The following GARRE1 variants were observed in gnomAD, a reference collection of about 807,000 sequenced individuals.
The protein encoded by GARRE1 is granule associated Rac and RHOG effector 1, also known as granule associated Rac and RHOG effector protein 1.
GARRE1 carries 49 observed loss-of-function variants against 103.2 expected under a neutral mutation model. The ratio of observed to expected loss-of-function variants is 0.47; its 90% CI spans 0.38 to 0.60. The LOEUF (loss-of-function observed/expected upper bound fraction) is 0.60. Among genes scored for constraint, GARRE1 ranks in the 20% least tolerant of loss-of-function variants. The pLI, the probability that GARRE1 is intolerant of heterozygous loss-of-function variation, is 0.00. For missense variants in GARRE1, 1,199 were observed against 1,370.5 expected, an observed-to-expected ratio of 0.87 and a Z score of 1.98; for synonymous variants, 505 against 532.8, an observed-to-expected ratio of 0.95 and a Z score of 0.72.
Position 34,341,888 on chromosome 19 carries a change from T to A in GARRE1, c.1954T>A (p.Phe652Ile). Residue 652 changes from phenylalanine (F) to isoleucine (I), a missense_variant, in exon 10 of 14, where the codon TTT becomes ATT. Transcript: ENST00000299505. The stretch of plus-strand genomic sequence containing the variant: ...TCAGGAAATGCAAGAGGTGATAGAT[T>A]TTCTCTCGGGCTTTAACATGGGCCA... Reference protein sequence around the residue: ...TDQEMQEVIDFLSGFNMGQSH... With the variant: ...TDQEMQEVIDILSGFNMGQSH... 1.2e-6 allele frequency: 2 copies of A among 1,614,088 alleles called. No homozygotes were observed. The highest frequency in any genetic ancestry group is 1.7e-6 in the Non-Finnish European group (2 of 1,180,018).
rs1160128230 is a variant in GARRE1, at chr19:34,330,076, CATAA to C, written c.1105-107_1105-104del. ...CTGCAGCTTGGACGATAGAAAAATA[CATAA>C]ATAAAATGCTCTTCTCTTGAGGATG... is the stretch of plus-strand genomic sequence containing the variant. On this transcript the variant is annotated intron_variant, in intron 6 of 13. Transcript: ENST00000299505. 57 of 969,942 alleles carry C rather than the reference CATAA, an allele frequency of 5.9e-5. 1 individual carries two copies. The South Asian group carries it at 7.6e-4, about 13-fold the overall frequency. The allele number at this position is 969,942 out of a possible 1,614,324, so 60.1% of individuals were successfully genotyped here. A position where few individuals can be genotyped will look rare whatever the true frequency, so the allele number is the denominator to read the frequency against.
rs71165640 is a variant in GARRE1, at chr19:34,278,444, CAAAAAAA to C, written c.-795-21218_-795-21212del. 8.8e-5 allele frequency among the ~76,000 whole-genome samples: 5 copies of C among 57,102 alleles called. No individual in the cohort carries two copies. The East Asian group carries it at 2.0e-3, about 23-fold the overall frequency. 37.5% of individuals were successfully genotyped at this position (57,102 alleles called of 152,430 possible). On this transcript the variant is annotated intron_variant, in intron 1 of 13. Coordinates refer to ENST00000299505, the MANE Select transcript of GARRE1 (RefSeq NM_014686.5). ...TGGGTGACAGAGCAAGACTCCATCT[CAAAAAAA>C]AAAAAAAAAAAAAAAAGTCTTGCCT...
At chr19:34,257,893 C>CT (rs113179571) in intron 1 of GARRE1, among the ~76,000 whole-genome samples, 3,464 of 121,128 alleles carry the variant, frequency 0.029, 42 homozygotes, top group African/African-American at 0.045. Flanking sequence ...TCTTTTTTTT[C>CT]TTTTTTTTTT....
At chr19:34,305,274 G>A (rs1261099084) in intron 2 of GARRE1, among the ~76,000 whole-genome samples, 1 of 152,124 alleles carries the variant, frequency 6.6e-6, no homozygotes, top group Non-Finnish European at 1.5e-5. Flanking sequence ...GCATGGATAT[G>A]TACAGATGTG....
At chr19:34,339,603 T>C (rs993258667) in intron 8 of GARRE1, among the ~76,000 whole-genome samples, 44 of 152,206 alleles carry the variant, frequency 2.9e-4, no homozygotes, top group African/African-American at 1.1e-3. Flanking sequence ...TCAAGGGTTT[T>C]AGGAGCTCTG....
chr19:34,332,923 C>T (rs1449644301), intron 7 of GARRE1, among the ~76,000 whole-genome samples: 1 of 152,014 alleles, frequency 6.6e-6, no homozygotes, highest in South Asian at 2.1e-4. Flanking sequence ...GTTAGTTCTT[C>T]CTCTGTCCTG....
chr19:34,326,264 T>A (rs1423575021), intron 3 of GARRE1, among the ~76,000 whole-genome samples: 2 of 152,366 alleles, frequency 1.3e-5, no homozygotes, highest in East Asian at 3.9e-4. Context: ...CTAGTCATTT[T>A]CCTGTAGTCT....
At chr19:34,266,208 C>A (rs1370600800) in intron 1 of GARRE1, among the ~76,000 whole-genome samples, 1 of 152,208 alleles carries the variant, frequency 6.6e-6, no homozygotes, top group Non-Finnish European at 1.5e-5. Context: ...AGCCAGAAGC[C>A]AGCCTGGAGG....
At chr19:34,328,830 ACTC>A (rs1254581309) in intron 6 of GARRE1, among the ~76,000 whole-genome samples, 4 of 151,812 alleles carry the variant, frequency 2.6e-5, no homozygotes, top group Non-Finnish European at 5.9e-5. Context: ...ATGGTGTCGA[ACTC>A]CTGACCTCAG....
At chr19:34,283,053 G>A (rs1433928392) in intron 1 of GARRE1, among the ~76,000 whole-genome samples, 1 of 152,176 alleles carries the variant, frequency 6.6e-6, no homozygotes, top group Non-Finnish European at 1.5e-5. Flanking sequence ...AGGATGGAGA[G>A]GTAAGTGCAC....
At chr19:34,335,509 A>G (rs916626461) in intron 8 of GARRE1, among the ~76,000 whole-genome samples, 1 of 152,218 alleles carries the variant, frequency 6.6e-6, no homozygotes, top group African/African-American at 2.4e-5. Context: ...GGTAAGGCAT[A>G]CAAGTTGTAT....
At chr19:34,291,707 G>A (rs1386172521) in intron 1 of GARRE1, among the ~76,000 whole-genome samples, 3 of 152,166 alleles carry the variant, frequency 2.0e-5, no homozygotes, top group Admixed American at 6.5e-5. Context: ...CAGGTCTCAC[G>A]TCTATACACT....
At chr19:34,304,705 G>C (rs2073999421) in intron 2 of GARRE1, among the ~76,000 whole-genome samples, 1 of 151,908 alleles carries the variant, frequency 6.6e-6, no homozygotes, top group Admixed American at 6.6e-5. Context: ...TTGTTTCTAT[G>C]ATCATATTTT....
At position 34,352,842 on chromosome 19, in the gene GARRE1, G is replaced by A. The variant is rs2074246324; in HGVS notation, c.3100G>A (p.Val1034Met). The A allele has an allele frequency of 6.2e-7, 1 of 1,606,770 alleles. No individual in the cohort carries two copies. The highest frequency in any genetic ancestry group is 1.3e-5 in the African/African-American group (1 of 74,788). ...NDCSAAAFSY[V>M]QTPPQPPPPP... The stretch of plus-strand genomic sequence containing the variant: ...CTGCAGTGCCGCTGCCTTCTCCTAT[G>A]TGCAGACCCCACCCCAGCCCCCACC... The change falls in exon 14 of 14, where the codon GTG (valine) becomes ATG (methionine). Residue 1034 changes from valine to methionine, a missense_variant. By Grantham distance (21) the Val-to-Met change is conservative. Transcript: ENST00000299505.
chr19:34,269,895 G>T (rs1165605918), intron 1 of GARRE1, among the ~76,000 whole-genome samples: 1 of 152,182 alleles, frequency 6.6e-6, no homozygotes, highest in Non-Finnish European at 1.5e-5. Context: ...CTGTAGAATA[G>T]GCTAGTGTCC....
rs1306098163 is a variant in GARRE1, at chr19:34,352,939, A to G, written c.3197A>G (p.Tyr1066Cys). The change falls in exon 14 of 14, where the codon TAT becomes TGT. Residue 1066 changes from tyrosine (Y) to cysteine (C), a missense_variant. Transcript: ENST00000299505. ...GGGAAGGGTGAGCGCAGGCCAGCCTATCTGCCCCAGTACTGACCCCAGGCC... is the reference window on the plus strand; with the variant it reads ...GGGAAGGGTGAGCGCAGGCCAGCCTGTCTGCCCCAGTACTGACCCCAGGCC... Reference protein sequence around the residue: ...FPGKGERRPAYLPQY With the variant: ...FPGKGERRPACLPQY 5 of 1,548,238 alleles carry G rather than the reference A, an allele frequency of 3.2e-6. No individual in the cohort carries two copies. The highest frequency in any genetic ancestry group is 1.9e-5 in the Admixed American group (1 of 51,422).
rs2074267167 is a variant in GARRE1, at chr19:34,355,455, AT to A, written c.*2502del. ...TGCCTTGCTAGGGCATCAGCAGGAC[AT>A]TGTGTGTATAGTTACAATGCTTCCA... On this transcript the variant is annotated 3_prime_UTR_variant, in exon 14 of 14. Coordinates refer to ENST00000299505, the MANE Select transcript of GARRE1 (RefSeq NM_014686.5). 6.6e-6 allele frequency: 1 copy of A among 152,666 alleles called. No homozygotes were observed. Among genetic ancestry groups the A allele is most frequent in the Admixed American group, 6.5e-5 (1 of 15,288 alleles). The allele number at this position is 152,666 out of a possible 1,614,324, so 9.5% of individuals were successfully genotyped here.
chr19:34,277,909 C>T (rs931031182), intron 1 of GARRE1, among the ~76,000 whole-genome samples: 1 of 108,086 alleles, frequency 9.3e-6, no homozygotes, highest in Non-Finnish European at 1.8e-5. Context: ...TCACCCCCCC[C>T]CCCCACCCCC....
chr19:34,288,443 T>TA (rs1164762676), intron 1 of GARRE1, among the ~76,000 whole-genome samples: 1 of 152,178 alleles, frequency 6.6e-6, no homozygotes, highest in Non-Finnish European at 1.5e-5. Flanking sequence ...GCCTCCCCAT[T>TA]ACAAAACAGC....
Sources: allele counts gnomAD v4.1 joint callset (sites outside exome capture counted in the v4.1 genomes callset), GRCh38; gene constraint gnomAD v4.1.1; transcripts MANE v1.5; gene names NCBI Gene and HGNC (gene_info 2026-07-23, HGNC 2026-07-21).